The following ASTN2 variants were observed in gnomAD, a reference collection of about 807,000 sequenced individuals.
ASTN2 encodes astrotactin-2.
A neutral mutation model predicts 139.8 loss-of-function variants in ASTN2; 54 were observed. That is an observed-to-expected ratio of 0.39 (90% CI 0.31 to 0.48). The LOEUF is 0.48. ASTN2 is among the 20% of genes least tolerant of loss of function. ASTN2 has a pLI of 0.95. For missense variants in ASTN2, 1,565 were observed against 1,725.1 expected (o/e 0.91, Z 1.64); for synonymous variants, 756 against 719.5 (o/e 1.05, Z -0.81).
intron 4 of ASTN2, among the ~76,000 whole-genome samples, chr9:117,125,745 G>T (rs1164005267): frequency 1.3e-5 from 2 of 151,764 alleles, no homozygotes; most frequent in African/African-American, 4.9e-5. Context: ...CAGTAACAAA[G>T]TTGGATACAA....
rs543898003 is a variant in ASTN2 at position 116,928,419 on chromosome 9, T to C, written c.1889+46789A>G. Among the ~76,000 whole-genome samples, 77 of 152,310 alleles carry C rather than the reference T, an allele frequency of 5.1e-4. 1 individual carries two copies. The highest frequency in any genetic ancestry group is 9.8e-4 in the Non-Finnish European group (67 of 68,030). On this transcript the variant is annotated intron_variant, in intron 10 of 22. Transcript: ENST00000313400. ...TTCCACATATAGATTTGAAGACTAA[T>C]GGGCAGTCATACACCCCTGAGCTCA...
chr9:117,239,577 A>C (rs181944901), intron 2 of ASTN2, among the ~76,000 whole-genome samples: 1 of 152,330 alleles, frequency 6.6e-6, no homozygotes, highest in East Asian at 1.9e-4. Flanking sequence ...TCCTGTTTCA[A>C]GGGATAACCC....
chr9:117,229,548 C>T (rs888448272), intron 2 of ASTN2, among the ~76,000 whole-genome samples: 1 of 152,206 alleles, frequency 6.6e-6, no homozygotes, highest in Non-Finnish European at 1.5e-5. Context: ...AACAGGACAG[C>T]ATTTGAAGCA....
chr9:116,816,716 G>T (rs565279507), intron 12 of ASTN2, among the ~76,000 whole-genome samples: 34 of 152,148 alleles, frequency 2.2e-4, no homozygotes, highest in African/African-American at 6.0e-4. Context: ...CTATCACAGG[G>T]AGAGCCATGG....
chr9:117,103,715 T>C (rs1345387802), intron 4 of ASTN2, among the ~76,000 whole-genome samples: 1 of 152,198 alleles, frequency 6.6e-6, no homozygotes, highest in Non-Finnish European at 1.5e-5. Flanking sequence ...GACAGTGATA[T>C]TGCATTTTTA....
At chr9:116,466,380 G>A (rs1848648046) in intron 20 of ASTN2, among the ~76,000 whole-genome samples, 1 of 152,188 alleles carries the variant, frequency 6.6e-6, no homozygotes, top group Non-Finnish European at 1.5e-5. Flanking sequence ...CTGCAACAAT[G>A]AGTCTTGACG....
chr9:116,507,479 C>T (rs1394064841), intron 19 of ASTN2, among the ~76,000 whole-genome samples: 1 of 152,142 alleles, frequency 6.6e-6, no homozygotes, highest in African/African-American at 2.4e-5. Flanking sequence ...TGGCAGTCAA[C>T]ACTCCATCAT....
At chr9:116,752,960 T>C (rs1829437290) in intron 13 of ASTN2, among the ~76,000 whole-genome samples, 1 of 152,244 alleles carries the variant, frequency 6.6e-6, no homozygotes, top group African/African-American at 2.4e-5. Flanking sequence ...TTTGGCAGTT[T>C]CTTAAAAAGC....
chr9:116,425,527 G>A lies in ASTN2; in HGVS notation c.*324C>T. On this transcript the variant is annotated 3_prime_UTR_variant, in exon 23 of 23. Coordinates refer to ENST00000313400, the MANE Select transcript of ASTN2 (RefSeq NM_001365068.1). ...GGCAGGAAGAAGGAAGAAGAGCAAA[G>A]GCCGCTTGGTCTCCACCTGAAAACT... The A allele has an allele frequency of 1.9e-6, 3 of 1,590,930 alleles. No individual in the cohort carries two copies. The highest frequency in any genetic ancestry group is 2.6e-6 in the Non-Finnish European group (3 of 1,161,806).
chr9:116,457,874 A>G (rs1848379061), intron 20 of ASTN2, among the ~76,000 whole-genome samples: 2 of 152,162 alleles, frequency 1.3e-5, no homozygotes, highest in Non-Finnish European at 2.9e-5. Flanking sequence ...AAAGGAAATC[A>G]GTATATTGAA....
intron 3 of ASTN2, among the ~76,000 whole-genome samples, chr9:117,166,145 C>T (rs757098082): frequency 6.6e-6 from 1 of 151,972 alleles, no homozygotes; most frequent in Non-Finnish European, 1.5e-5. Context: ...AATAATGATG[C>T]TGATGATAAT....
intron 7 of ASTN2, among the ~76,000 whole-genome samples, chr9:116,986,447 C>T (rs895648062): frequency 3.3e-5 from 5 of 152,128 alleles, no homozygotes; most frequent in African/African-American, 9.7e-5. Flanking sequence ...GAAAATACAT[C>T]ACTGCACAAG....
chr9:116,634,314 G>A (rs1480922374), intron 17 of ASTN2, among the ~76,000 whole-genome samples: 2 of 151,952 alleles, frequency 1.3e-5, no homozygotes. Flanking sequence ...AATAGGGCCG[G>A]GCGCGGTGGC....
At chr9:116,684,390 A>G (rs1860071808) in intron 16 of ASTN2, among the ~76,000 whole-genome samples, 1 of 152,178 alleles carries the variant, frequency 6.6e-6, no homozygotes, top group Non-Finnish European at 1.5e-5. Context: ...GAGGAAACCT[A>G]TTGTTAGCTG....
intron 1 of ASTN2, among the ~76,000 whole-genome samples, chr9:117,339,906 CAA>C (rs34679364): frequency 5.4e-4 from 47 of 86,974 alleles, no homozygotes; most frequent in East Asian, 3.6e-3. Context: ...GTCTCTTTTA[CAA>C]AAAAAAAAAA....
intron 1 of ASTN2, among the ~76,000 whole-genome samples, chr9:117,302,524 AG>A (rs1416168196): frequency 2.0e-5 from 3 of 152,096 alleles, no homozygotes; most frequent in Admixed American, 1.3e-4. Context: ...TTATAATGCC[AG>A]GGCCCCTTCC....
chr9:117,134,684 T>C lies in ASTN2; in HGVS notation c.1168+6642A>G, dbSNP rs143504248. Among the ~76,000 whole-genome samples, 983 of 152,314 alleles carry C rather than the reference T, an allele frequency of 6.5e-3. 10 individuals are homozygous for C. The highest frequency in any genetic ancestry group is 0.022 in the African/African-American group (927 of 41,558). On this transcript the variant is annotated intron_variant, in intron 4 of 22. Coordinates refer to ENST00000313400, the MANE Select transcript of ASTN2 (RefSeq NM_001365068.1). ...TAATGCATTACTTAGGATTACCTGC[T>C]CTGTGAAGCCTTCTTTAATTATTCC...
intron 10 of ASTN2, among the ~76,000 whole-genome samples, chr9:116,972,615 T>C (rs1335724411): frequency 1.3e-5 from 2 of 152,224 alleles, no homozygotes; most frequent in Non-Finnish European, 2.9e-5. Context: ...TATAAAAATA[T>C]GAAAGCCACA....
At chr9:116,905,222 T>A (rs1834123743) in intron 10 of ASTN2, among the ~76,000 whole-genome samples, 1 of 152,122 alleles carries the variant, frequency 6.6e-6, no homozygotes, top group Admixed American at 6.5e-5. Context: ...TTTTGAAATG[T>A]CCTAGCGGAA....
Sources: gnomAD v4.1 joint callset for allele counts (sites outside exome capture counted in the v4.1 genomes callset) on GRCh38, gnomAD v4.1.1 for gene constraint, MANE v1.5 for transcripts, NCBI Gene and HGNC (gene_info 2026-07-23, HGNC 2026-07-21) for gene names.